Variants in VAV3 observed in about 807,000 individuals in gnomAD.
VAV3 encodes the protein vav guanine nucleotide exchange factor 3.
Under a neutral mutation model 131.2 loss-of-function variants are expected in VAV3, and 94 were observed. The ratio of observed to expected loss-of-function variants is 0.72; its 90% CI spans 0.61 to 0.85. VAV3 has a LOEUF of 0.85. VAV3 is among the 40% of genes least tolerant of loss of function. The probability of loss-of-function intolerance (pLI) is 0.00; values close to 1 mark genes in which losing one functional copy is unlikely to be tolerated. For missense variants in VAV3, 939 were observed against 1,002.7 expected (o/e 0.94, Z 0.86); for synonymous variants, 349 against 342.0 (o/e 1.02, Z -0.22).
intron 25 of VAV3, among the ~76,000 whole-genome samples, chr1:107,585,160 C>T (rs926409536): frequency 3.3e-5 from 5 of 152,132 alleles, no homozygotes; most frequent in African/African-American, 9.7e-5. Flanking sequence ...AGAGCAAAAA[C>T]CTTAGAATTA....
chr1:107,587,370 A>G (rs956084491), intron 25 of VAV3, among the ~76,000 whole-genome samples: 3 of 152,164 alleles, frequency 2.0e-5, no homozygotes. Flanking sequence ...GAAAAAAGAG[A>G]TATCAGCATT....
chr1:107,853,506 T>TG (rs1669324500), intron 2 of VAV3, among the ~76,000 whole-genome samples: 1 of 151,982 alleles, frequency 6.6e-6, no homozygotes, highest in Non-Finnish European at 1.5e-5. Context: ...TTTTCATAAA[T>TG]GAAAATGTAT....
chr1:107,792,742 T>C (rs1666357966), intron 2 of VAV3, among the ~76,000 whole-genome samples: 1 of 152,208 alleles, frequency 6.6e-6, no homozygotes, highest in Non-Finnish European at 1.5e-5. Context: ...ATAATTAATG[T>C]ATATGTAAAA....
chr1:107,868,204 G>C (rs1670091130), intron 2 of VAV3, among the ~76,000 whole-genome samples: 2 of 152,278 alleles, frequency 1.3e-5, no homozygotes, highest in South Asian at 4.1e-4. Context: ...TGGATAATTT[G>C]AGTGGGAAAT....
rs963667921 is a variant in VAV3 at position 107,654,291 on chromosome 1, T to C, written c.1778-11536A>G. ...ACTCAAAATTTTCTAGTGAGAATGATAGCTTTTATAGACAACAGTAAATCC... is the reference window on the plus strand; with the variant it reads ...ACTCAAAATTTTCTAGTGAGAATGACAGCTTTTATAGACAACAGTAAATCC... On this transcript the variant is annotated intron_variant, in intron 19 of 26. Coordinates refer to ENST00000370056, the MANE Select transcript of VAV3 (RefSeq NM_006113.5). Among the ~76,000 whole-genome samples, 10 of 152,162 alleles carry C rather than the reference T, an allele frequency of 6.6e-5. No individual in the cohort carries two copies. In the East Asian group the frequency reaches 1.5e-3, roughly 23 times the overall value.
intron 17 of VAV3, among the ~76,000 whole-genome samples, chr1:107,692,231 C>T (rs745824461): frequency 2.8e-4 from 43 of 152,136 alleles, no homozygotes; most frequent in Admixed American, 5.2e-4. Context: ...GTTCACTACT[C>T]AGATATACAG....
intron 13 of VAV3, among the ~76,000 whole-genome samples, chr1:107,750,447 A>C (rs1315524970): frequency 6.6e-6 from 1 of 152,222 alleles, no homozygotes; most frequent in South Asian, 2.1e-4. Flanking sequence ...TTTATACACA[A>C]TGATAATGAC....
At chr1:107,784,181 T>C (rs1435264439) in intron 2 of VAV3, among the ~76,000 whole-genome samples, 3 of 152,150 alleles carry the variant, frequency 2.0e-5, no homozygotes, top group Non-Finnish European at 4.4e-5. Flanking sequence ...AATGGGACCA[T>C]AGCTAAAAAT....
At chr1:107,576,496 G>T in intron 25 of VAV3, 2 of 1,498,762 alleles carry the variant, frequency 1.3e-6, no homozygotes, top group African/African-American at 2.8e-5. Context: ...GAAAGAAAAA[G>T]AGAGAAGCAA....
intron 15 of VAV3, among the ~76,000 whole-genome samples, chr1:107,723,927 C>T (rs1661673459): frequency 6.6e-6 from 1 of 152,098 alleles, no homozygotes; most frequent in Non-Finnish European, 1.5e-5. Flanking sequence ...ATCGTAAATG[C>T]TACAATACAC....
At chr1:107,670,337 T>C (rs1657695262) in intron 19 of VAV3, among the ~76,000 whole-genome samples, 2 of 152,208 alleles carry the variant, frequency 1.3e-5, no homozygotes. Flanking sequence ...ATCTCTCTGA[T>C]CCATGGGCCC....
intron 15 of VAV3, among the ~76,000 whole-genome samples, chr1:107,724,787 G>A (rs1165871416): frequency 6.6e-6 from 1 of 152,054 alleles, no homozygotes; most frequent in East Asian, 1.9e-4. Flanking sequence ...TGTTCTGGAA[G>A]CTGCCAGGAA....
Position 107,909,512 on chromosome 1 carries a change from A to T in VAV3, c.205-34495T>A, listed in dbSNP as rs1025177858. 1.3e-5 allele frequency among the ~76,000 whole-genome samples: 2 copies of T among 152,310 alleles called. 1 individual carries two copies. The highest frequency in any genetic ancestry group is 4.1e-4 in the South Asian group (2 of 4,826). On this transcript the variant is annotated intron_variant, in intron 1 of 26. Transcript: ENST00000370056. ...TCCATTATCAACAATAAGTTTAAAA[A>T]CCTGCTGAACCCATTTTAATCCAAT... is the stretch of plus-strand genomic sequence containing the variant.
intron 2 of VAV3, among the ~76,000 whole-genome samples, chr1:107,811,677 C>T (rs17020112): frequency 6.6e-6 from 1 of 151,920 alleles, no homozygotes. Flanking sequence ...TTATATAGCA[C>T]CATAATAAAC....
intron 9 of VAV3, among the ~76,000 whole-genome samples, chr1:107,762,133 A>AAAG (rs1553202923): frequency 6.8e-6 from 1 of 146,916 alleles, no homozygotes; most frequent in Non-Finnish European, 1.5e-5. Context: ...AAAAAAAAAA[A>AAAG]GGGCCATACA....
intron 2 of VAV3, among the ~76,000 whole-genome samples, chr1:107,807,812 T>C (rs1309188569): frequency 6.6e-6 from 1 of 152,232 alleles, no homozygotes; most frequent in Non-Finnish European, 1.5e-5. Context: ...GCTTGTTAGA[T>C]CTTTTTTCCT....
intron 2 of VAV3, among the ~76,000 whole-genome samples, chr1:107,787,355 T>A (rs1289427896): frequency 6.6e-6 from 1 of 152,040 alleles, no homozygotes. Flanking sequence ...AAACCAACAG[T>A]CTATTAGGAA....
At chr1:107,754,411 C>T (rs1027859976) in intron 12 of VAV3, among the ~76,000 whole-genome samples, 1 of 152,110 alleles carries the variant, frequency 6.6e-6, no homozygotes, top group South Asian at 2.1e-4. Flanking sequence ...GAGAAAGCAG[C>T]GATGAAACTG....
At chr1:107,709,778 T>A (rs1314860709) in intron 15 of VAV3, among the ~76,000 whole-genome samples, 2 of 152,216 alleles carry the variant, frequency 1.3e-5, no homozygotes, top group Admixed American at 6.5e-5. Context: ...CCTGCTGCCA[T>A]GTGAGAAAGG....
Sources: allele counts gnomAD v4.1 joint callset (sites outside exome capture counted in the v4.1 genomes callset), GRCh38; gene constraint gnomAD v4.1.1; transcripts MANE v1.5; gene names NCBI Gene and HGNC (gene_info 2026-07-23, HGNC 2026-07-21).